Variants in GPR35 observed in about 807,000 individuals in gnomAD.
The protein encoded by GPR35 is KYNA receptor.
For missense variants in GPR35, 372 were observed against 422.5 expected, an observed-to-expected ratio of 0.88 and a Z score of 1.05; for synonymous variants, 207 against 198.4, an observed-to-expected ratio of 1.04 and a Z score of -0.36.
At chr2:240,617,893 T>C (rs2043255798) in intron 4 of GPR35, among the ~76,000 whole-genome samples, 2 of 152,228 alleles carry the variant, frequency 1.3e-5, no homozygotes, top group Non-Finnish European at 2.9e-5. Flanking sequence ...AAGAAGACAT[T>C]CCAGAATTAC....
intron 2 of GPR35, among the ~76,000 whole-genome samples, chr2:240,610,129 T>A (rs1302985453): frequency 1.3e-5 from 2 of 152,134 alleles, no homozygotes; most frequent in Non-Finnish European, 2.9e-5. Flanking sequence ...CTGGCTAATT[T>A]TTGTATTTTT....
chr2:240,615,502 C>T (rs888109815), intron 2 of GPR35, among the ~76,000 whole-genome samples: 2 of 152,302 alleles, frequency 1.3e-5, no homozygotes, highest in East Asian at 3.9e-4. Context: ...TGGAAATGTT[C>T]AGACTGAAAT....
intron 1 of GPR35, chr2:240,628,025 C>A (rs1282101160): frequency 6.6e-6 from 1 of 152,236 alleles, no homozygotes; most frequent in Non-Finnish European, 1.5e-5. Context: ...CCCCCTCCCC[C>A]TCCAGGTCTG....
At chr2:240,625,251 A>G (rs1378463319), upstream of GPR35, 4 of 985,116 alleles carry the variant, frequency 4.1e-6, no homozygotes, top group African/African-American at 1.7e-5. Context: ...TTCCAGAACA[A>G]ATGTGTGCCC....
At position 240,630,590 on chromosome 2, in the gene GPR35, G is replaced by A. The variant is rs376362528; in HGVS notation, c.638G>A (p.Arg213His). Residue 213 changes from arginine to histidine, a missense_variant, in exon 2 of 2, where the codon CGC becomes CAC. By Grantham distance (29) the Arg-to-His change is conservative. Transcript: ENST00000407714. ...PTDVGQAEAT[R>H]KAARMVWANL... ...GACGTGGGGCAGGCAGAGGCCACCC[G>A]CAAGGCTGCCCGCATGGTCTGGGCC... 81 of 1,612,766 alleles carry A rather than the reference G, an allele frequency of 5.0e-5. No individual in the cohort carries two copies. In the South Asian group the frequency reaches 6.0e-4, roughly 12 times the overall value.
rs373558269 is a variant in GPR35, at chr2:240,630,655, G to T, written c.703G>T (p.Val235Leu). The T allele has an allele frequency of 1.7e-5, 28 of 1,613,038 alleles. No homozygotes were observed. The highest frequency in any genetic ancestry group is 2.1e-5 in the Non-Finnish European group (25 of 1,180,008). ...VFVVCFLPLHVGLTVRLAVGW... is the reference protein window; with the variant it reads ...VFVVCFLPLHLGLTVRLAVGW... The stretch of plus-strand genomic sequence containing the variant: ...CGTGGTCTGCTTCCTGCCCCTGCAC[G>T]TGGGGCTGACAGTGCGCCTCGCAGT... The change falls in exon 2 of 2, where the codon GTG (valine) becomes TTG (leucine). Residue 235 changes from valine (V) to leucine (L), a missense_variant. Physicochemically the swap from Val to Leu is conservative, Grantham distance 32 (BLOSUM62 1). Coordinates refer to ENST00000407714, the MANE Select transcript of GPR35 (RefSeq NM_005301.5).
chr2:240,609,459 C>G (rs972391450), intron 2 of GPR35, among the ~76,000 whole-genome samples: 1 of 152,140 alleles, frequency 6.6e-6, no homozygotes, highest in Non-Finnish European at 1.5e-5. Context: ...TTGATTACTT[C>G]TTTGATCCCT....
Position 240,630,432 on chromosome 2 carries a change from C to G in GPR35, c.480C>G (p.Gly160=). 6.2e-7 allele frequency: 1 copy of G among 1,612,726 alleles called. No individual in the cohort carries two copies. Among genetic ancestry groups the G allele is most frequent in the South Asian group, 1.1e-5 (1 of 91,084 alleles). ...ARWLLGIQEG[G]FCFRSTRHNF... The stretch of plus-strand genomic sequence containing the variant: ...GGCTCCTGGGGATTCAGGAGGGCGG[C>G]TTCTGCTTCAGGAGCACCCGGCACA... Residue 160 remains glycine, a synonymous_variant, in exon 2 of 2, where the codon GGC becomes GGG. Coordinates refer to ENST00000407714, the MANE Select transcript of GPR35 (RefSeq NM_005301.5).
intron 2 of GPR35, among the ~76,000 whole-genome samples, chr2:240,613,732 G>A (rs995575187): frequency 6.6e-6 from 1 of 150,896 alleles, no homozygotes; most frequent in Non-Finnish European, 1.5e-5. Context: ...AATTAACAAT[G>A]CCTCATATGG....
rs1321962680 is a variant in GPR35 at position 240,632,847 on chromosome 2, G to A, written c.*1965G>A. 6.6e-6 allele frequency among the ~76,000 whole-genome samples: 1 copy of A among 152,256 alleles called. No individual in the cohort carries two copies. The highest frequency in any genetic ancestry group is 1.5e-5 in the Non-Finnish European group (1 of 68,042). On this transcript the variant is annotated 3_prime_UTR_variant, in exon 2 of 2. Coordinates refer to ENST00000407714, the MANE Select transcript of GPR35 (RefSeq NM_005301.5). ...AGGAGGGCTGATATGGTTAGGCTTT[G>A]TGTCTCCACCCAAATCTCATCTTGA...
Position 240,632,110 on chromosome 2 carries a change from G to A in GPR35, c.*1228G>A, listed in dbSNP as rs1217799058. 6.6e-6 allele frequency among the ~76,000 whole-genome samples: 1 copy of A among 151,958 alleles called. No individual in the cohort carries two copies. Among genetic ancestry groups the A allele is most frequent in the Non-Finnish European group, 1.5e-5 (1 of 67,968 alleles). On this transcript the variant is annotated 3_prime_UTR_variant, in exon 2 of 2. Transcript: ENST00000407714. ...GCAGGAGGGCCTCATTCCCAGGAGG[G>A]TCCCGTGCCCAGGAGGGCTCTATGC...
intron 2 of GPR35, among the ~76,000 whole-genome samples, chr2:240,613,549 A>G (rs2043206778): frequency 6.6e-6 from 1 of 151,798 alleles, no homozygotes; most frequent in Admixed American, 6.6e-5. Flanking sequence ...ATAACCATAA[A>G]TCATGTGGAC....
chr2:240,629,345 G>A (rs1377599506), intron 1 of GPR35: 1 of 152,802 alleles, frequency 6.5e-6, no homozygotes, highest in Non-Finnish European at 1.5e-5. Context: ...CAGAGCTCAG[G>A]ACTGGGTGGG....
At chr2:240,624,938 C>T (rs1281893568), upstream of GPR35, among the ~76,000 whole-genome samples, 4 of 152,138 alleles carry the variant, frequency 2.6e-5, no homozygotes, top group South Asian at 2.1e-4. Flanking sequence ...AGCCTGCCTG[C>T]GTGTGCCTCT....
chr2:240,605,430 C>T (rs754991218), exon 1 of GPR35: 5 of 152,364 alleles, frequency 3.3e-5, no homozygotes, highest in Non-Finnish European at 7.3e-5. Context: ...TGGGTTCCTT[C>T]CTTTAGTCAC....
rs1348459873 is a variant in GPR35, at chr2:240,631,703, G to A, written c.*821G>A. ...GGGGTTGGGTGCCCACTCAGGTAAA[G>A]GCACGATGTCCTGCTGGTTTCTGCC... On this transcript the variant is annotated 3_prime_UTR_variant, in exon 2 of 2. Transcript: ENST00000407714. Among the ~76,000 whole-genome samples, 1 of 152,186 alleles carries A rather than the reference G, an allele frequency of 6.6e-6. No individual in the cohort carries two copies. The highest frequency in any genetic ancestry group is 1.5e-5 in the Non-Finnish European group (1 of 68,038).
At position 240,616,322 on chromosome 2, in the gene GPR35, C is replaced by T. The variant is rs1009212068; in HGVS notation, c.-576-66C>T. ...GATGCATACGAGGTCCCCGCGGTCC[C>T]GGCCGACATACCTGTTGGGTTCTTA... is the stretch of plus-strand genomic sequence containing the variant. On this transcript the variant is annotated intron_variant, in intron 2 of 5. Coordinates refer to the GPR35 transcript ENST00000319838. The T allele has an allele frequency of 7.0e-5, 49 of 703,014 alleles. 1 individual carries two copies. Among genetic ancestry groups the T allele is most frequent in the South Asian group, 4.7e-4 (31 of 65,508 alleles). The allele number at this position is 703,014 out of a possible 1,614,324, so 43.5% of individuals were successfully genotyped here. A position where few individuals can be genotyped will look rare whatever the true frequency, so the allele number is the denominator to read the frequency against.
chr2:240,615,220 C>T (rs2043227286), intron 2 of GPR35, among the ~76,000 whole-genome samples: 1 of 152,166 alleles, frequency 6.6e-6, no homozygotes, highest in South Asian at 2.1e-4. Context: ...CCCCAGGGCT[C>T]ACGAGGCCCC....
chr2:240,616,096 C>T (rs1484886809), intron 2 of GPR35, among the ~76,000 whole-genome samples: 1 of 152,166 alleles, frequency 6.6e-6, no homozygotes, highest in African/African-American at 2.4e-5. Flanking sequence ...TTGTTTGAGC[C>T]TTCTGTTTCG....
Sources: gnomAD v4.1 joint callset for allele counts (sites outside exome capture counted in the v4.1 genomes callset) on GRCh38, gnomAD v4.1.1 for gene constraint, MANE v1.5 for transcripts, NCBI Gene and HGNC (gene_info 2026-07-23, HGNC 2026-07-21) for gene names.